The following EIF2B2 variants were observed in gnomAD, a reference collection of about 807,000 sequenced individuals.
EIF2B2 encodes the protein translation initiation factor eIF2B subunit beta.
EIF2B2 carries 34 observed loss-of-function variants against 34.7 expected under a neutral mutation model. The ratio of observed to expected loss-of-function variants is 0.98; its 90% CI spans 0.75 to 1.31. EIF2B2 has a LOEUF of 1.31. Among genes scored for constraint, EIF2B2 ranks in the 50% most tolerant of loss-of-function variants. EIF2B2 has a pLI of 0.00. For missense variants in EIF2B2, 361 were observed against 447.7 expected (o/e 0.81, Z 1.75); for synonymous variants, 155 against 171.6 (o/e 0.90, Z 0.76).
intron 7 of EIF2B2, 81 bp downstream of exon 7, chr14:75,007,869 GT>G (rs2139256355): frequency 1.4e-6 from 2 of 1,390,964 alleles, no homozygotes; most frequent in East Asian, 4.6e-5. Flanking sequence ...TCTTTTTGTT[GT>G]TTTGTTGGTC....
At chr14:75,004,529 A>T (rs1035325657) in intron 3 of EIF2B2, among the ~76,000 whole-genome samples, 11 of 150,374 alleles carry the variant, frequency 7.3e-5, no homozygotes, top group African/African-American at 2.4e-4. Flanking sequence ...TGTCTCTATT[A>T]AAAAAAAAGA....
chr14:75,007,615 C>A, intron 6 of EIF2B2, 107 bp from the exon 7 acceptor site: 2 of 915,250 alleles, frequency 2.2e-6, no homozygotes, highest in Admixed American at 2.1e-5. Context: ...CTGCTATAAG[C>A]ATCTGTGTAT....
rs1210435242 is a variant in EIF2B2 at position 75,009,768 on chromosome 14, G to A, written c.*580G>A. On this transcript the variant is annotated 3_prime_UTR_variant, in exon 8 of 8. Coordinates refer to ENST00000266126, the MANE Select transcript of EIF2B2 (RefSeq NM_014239.4). ...TGGACTTTGGGAGGCTGAGGTGGGA[G>A]GCTTGTTTGAGGCTTGTTTGAGGCC... 2.0e-5 allele frequency: 3 copies of A among 150,256 alleles called. No individual in the cohort carries two copies. The highest frequency in any genetic ancestry group is 2.0e-4 in the Admixed American group (3 of 15,274). 9.3% of individuals were successfully genotyped at this position (150,256 alleles called of 1,614,324 possible).
chr14:75,008,536 T>A, intron 7 of EIF2B2: 1 of 254,756 alleles, frequency 3.9e-6, no homozygotes, highest in East Asian at 9.2e-5. Flanking sequence ...TATCAGGTCA[T>A]GGGATGCCTG....
intron 6 of EIF2B2, 35 bp from the exon 7 acceptor site, chr14:75,007,687 G>T: frequency 6.4e-7 from 1 of 1,567,188 alleles, no homozygotes; most frequent in Non-Finnish European, 8.8e-7. Flanking sequence ...TGGAATTGCT[G>T]GGTCTCTAGT....
At chr14:75,005,703 TGA>T (rs760070171) in intron 4 of EIF2B2, 161 bp from the exon 5 acceptor site, 27 of 627,194 alleles carry the variant, frequency 4.3e-5, no homozygotes, top group Non-Finnish European at 6.6e-5. Flanking sequence ...ACCAGAGCTA[TGA>T]GAGTCTGAAA....
At chr14:75,008,515 A>G in intron 7 of EIF2B2, 2 of 228,166 alleles carry the variant, frequency 8.8e-6, no homozygotes, top group South Asian at 7.4e-5. Context: ...TGTGGAAGAC[A>G]GATGAGAAAG....
chr14:75,008,961 A>G, intron 7 of EIF2B2, 70 bp from the exon 8 acceptor site: 1 of 1,605,620 alleles, frequency 6.2e-7, no homozygotes, highest in South Asian at 1.1e-5. Flanking sequence ...CGAGCCTGGA[A>G]TCTATATGCT....
rs866429489 is a variant in EIF2B2 at position 75,009,649 on chromosome 14, G to A, written c.*461G>A. On this transcript the variant is annotated 3_prime_UTR_variant, in exon 8 of 8. Transcript: ENST00000266126. ...AACTGCTTGAAACAGCAGCAGCAGA[G>A]CCTTTTTTGTGTTTGCATAGAGGGC... The A allele has an allele frequency of 4.2e-6, 1 of 240,222 alleles. No individual in the cohort carries two copies. The allele number at this position is 240,222 out of a possible 1,614,324, so 14.9% of individuals were successfully genotyped here. A position where few individuals can be genotyped will look rare whatever the true frequency, so the allele number is the denominator to read the frequency against.
chr14:75,003,259 C>T lies in EIF2B2; in HGVS notation c.164-16C>T, dbSNP rs141814339. The T allele has an allele frequency of 3.3e-4, 535 of 1,613,652 alleles. 1 individual carries two copies. In the African/African-American group the frequency reaches 6.8e-3, roughly 20 times the overall value. ...TTCGCGTTGGCTCCTCTTATCCTCTCTCTTTTGGACTGTAGGGGAGCTGAT... is the reference window on the plus strand; with the variant it reads ...TTCGCGTTGGCTCCTCTTATCCTCTTTCTTTTGGACTGTAGGGGAGCTGAT... On this transcript the variant is annotated splice_polypyrimidine_tract_variant and intron_variant, in intron 1 of 7. Coordinates refer to ENST00000266126, the MANE Select transcript of EIF2B2 (RefSeq NM_014239.4).
rs1595008444 is a variant in EIF2B2 at position 75,003,893 on chromosome 14, G to C, written c.433+194G>C. ...GTAATCCTCTCTACTTTTCCTTACA[G>C]ACCAACCCTTGATAGACTACAGATC... On this transcript the variant is annotated intron_variant, in intron 3 of 7. Transcript: ENST00000266126. Among the ~76,000 whole-genome samples, 4 of 152,298 alleles carry C rather than the reference G, an allele frequency of 2.6e-5. No individual in the cohort carries two copies. The South Asian group carries it at 8.3e-4, about 32-fold the overall frequency.
intron 4 of EIF2B2, among the ~76,000 whole-genome samples, chr14:75,005,358 C>T (rs1348223719): frequency 6.8e-6 from 1 of 147,990 alleles, no homozygotes; most frequent in Non-Finnish European, 1.5e-5. Flanking sequence ...GCCTGGACGA[C>T]AGAGCAAGAC....
rs1595011123 is a variant in EIF2B2 at position 75,009,373 on chromosome 14, T to A, written c.*185T>A. The A allele has an allele frequency of 1.5e-6, 1 of 660,674 alleles. No homozygotes were observed. The highest frequency in any genetic ancestry group is 2.8e-5 in the East Asian group (1 of 35,868). 40.9% of individuals were successfully genotyped at this position (660,674 alleles called of 1,614,324 possible). On this transcript the variant is annotated 3_prime_UTR_variant, in exon 8 of 8. Transcript: ENST00000266126. ...TAACAAGGGCACACATCCAGGACTG[T>A]GTCTTGCCTTTCAGATCTTAACAGA...
chr14:75,003,224 C>G, intron 1 of EIF2B2, 51 bp from the exon 2 acceptor site: 4 of 1,613,416 alleles, frequency 2.5e-6, no homozygotes, highest in Non-Finnish European at 3.4e-6. Context: ...GAAAATTTCC[C>G]AGGCCTCACT....
chr14:75,007,737 G>T lies in EIF2B2; in HGVS notation c.847G>T (p.Asp283Tyr). 1.2e-6 allele frequency: 2 copies of T among 1,613,852 alleles called. No homozygotes were observed. The highest frequency in any genetic ancestry group is 2.2e-5 in the South Asian group (2 of 91,036). The stretch of plus-strand genomic sequence containing the variant: ...TCCTTTTTAGTTCCCCAATGAAGAA[G>T]ACTCATTTCATAAGTTTGTGGCTCC... ...KLSPQFPNEE[D>Y]SFHKFVAPEE... Residue 283 changes from aspartate to tyrosine, a missense_variant, in exon 7 of 8, where the codon GAC becomes TAC. Coordinates refer to ENST00000266126, the MANE Select transcript of EIF2B2 (RefSeq NM_014239.4).
chr14:75,005,910 A>C lies in EIF2B2; in HGVS notation c.642A>C (p.Thr214=). Residue 214 remains threonine (T), a synonymous_variant, in exon 5 of 8, where the codon ACA becomes ACC. Transcript: ENST00000266126. ...AVNLSKAGIE[T]TVMTDAAIFA... ...ATTTGTCCAAAGCAGGTATTGAGAC[A>C]ACTGTCATGACTGATGCTGCCATTT... 1 of 1,613,714 alleles carries C rather than the reference A, an allele frequency of 6.2e-7. No homozygotes were observed. Among genetic ancestry groups the C allele is most frequent in the Non-Finnish European group, 8.5e-7 (1 of 1,179,672 alleles).
In EIF2B2 at chr14:75,008,975, T is replaced by G. The variant is rs142254655; in HGVS notation, c.899-56T>G. On this transcript the variant is annotated intron_variant, in intron 7 of 7. Coordinates refer to ENST00000266126, the MANE Select transcript of EIF2B2 (RefSeq NM_014239.4). Reference sequence around the variant, plus strand: ...TCGAGCCTGGAATCTATATGCTACTTAATTATGAGAGAGGGAGCCTCAGTT... The same window carrying G: ...TCGAGCCTGGAATCTATATGCTACTGAATTATGAGAGAGGGAGCCTCAGTT... 1,357 of 1,611,526 alleles carry G rather than the reference T, an allele frequency of 8.4e-4. 25 individuals carry two copies. The East Asian group carries it at 0.028, about 33-fold the overall frequency.
Position 75,009,149 on chromosome 14 carries a change from G to T in EIF2B2, c.1017G>T (p.Leu339=). 1 of 1,614,066 alleles carries T rather than the reference G, an allele frequency of 6.2e-7. No homozygotes were observed. The highest frequency in any genetic ancestry group is 8.5e-7 in the Non-Finnish European group (1 of 1,180,002). The change falls in exon 8 of 8, where the codon CTG becomes CTT. Residue 339 remains leucine, a synonymous_variant. Transcript: ENST00000266126. ...ATGCACCTTCCTACATCTACCGCCTGATGAGTGAACTCTACCATCCTGATG... is the reference window on the plus strand; with the variant it reads ...ATGCACCTTCCTACATCTACCGCCTTATGAGTGAACTCTACCATCCTGATG... ...GGNAPSYIYR[L]MSELYHPDDH...
At position 75,006,458 on chromosome 14, in the gene EIF2B2, C is replaced by A; in HGVS notation, c.694-119C>A. ...TGAGCCAGGGATCCCTTCACCTCTACCAGTCTGTGACCCCTCACGATACCA... is the reference window on the plus strand; with the variant it reads ...TGAGCCAGGGATCCCTTCACCTCTAACAGTCTGTGACCCCTCACGATACCA... On this transcript the variant is annotated intron_variant, in intron 5 of 7. Transcript: ENST00000266126. The surrounding 1 kb of genome is among the most constrained non-coding windows in gnomAD (Gnocchi z 4.1). 1 of 1,412,484 alleles carries A rather than the reference C, an allele frequency of 7.1e-7. No individual in the cohort carries two copies. Among genetic ancestry groups the A allele is most frequent in the Non-Finnish European group, 9.8e-7 (1 of 1,020,618 alleles). 87.5% of individuals were successfully genotyped at this position (1,412,484 alleles called of 1,614,324 possible).
Sources: gnomAD v4.1 joint callset for allele counts (sites outside exome capture counted in the v4.1 genomes callset) on GRCh38, gnomAD v4.1.1 for gene constraint, Gnocchi (gnomAD v3.1) non-coding constraint, MANE v1.5 for transcripts, NCBI Gene and HGNC (gene_info 2026-07-23, HGNC 2026-07-21) for gene names.